The following DCDC1 variants were observed in gnomAD, a reference collection of about 807,000 sequenced individuals.
The protein encoded by DCDC1 is doublecortin domain-containing protein 1.
A neutral mutation model predicts 178.3 loss-of-function variants in DCDC1; 200 were observed. That is an observed-to-expected ratio of 1.12 (90% CI 1.00 to 1.26). DCDC1 has a LOEUF of 1.26. Among genes scored for constraint, DCDC1 ranks in the 50% most tolerant of loss-of-function variants. The pLI is 0.00. For missense variants in DCDC1, 1,983 were observed against 1,749.2 expected, an observed-to-expected ratio of 1.13 and a Z score of -2.38; for synonymous variants, 690 against 604.8, an observed-to-expected ratio of 1.14 and a Z score of -2.07.
chr11:31,261,269 C>A (rs1303492630), intron 8 of DCDC1, among the ~76,000 whole-genome samples: 4 of 152,124 alleles, frequency 2.6e-5, no homozygotes, highest in African/African-American at 9.7e-5. Context: ...TACATTATCT[C>A]CTAAGTTAAT....
chr11:31,006,981 T>G (rs976733089), intron 20 of DCDC1, among the ~76,000 whole-genome samples: 2 of 152,226 alleles, frequency 1.3e-5, no homozygotes, highest in Non-Finnish European at 1.5e-5. Flanking sequence ...GCCATTTTAT[T>G]GTTAAATATT....
intron 21 of DCDC1, among the ~76,000 whole-genome samples, chr11:30,949,442 T>C (rs1378439067): frequency 6.6e-6 from 1 of 152,180 alleles, no homozygotes; most frequent in African/African-American, 2.4e-5. Flanking sequence ...TGGAAGACAG[T>C]GTGGTGATTC....
intron 1 of DCDC1, among the ~76,000 whole-genome samples, chr11:31,337,594 G>T (rs1950335600): frequency 2.6e-5 from 4 of 152,172 alleles, no homozygotes; most frequent in Admixed American, 2.6e-4. Flanking sequence ...GAGCCCAGGA[G>T]ATTGAGGCTG....
intron 7 of DCDC1, among the ~76,000 whole-genome samples, chr11:31,275,595 C>A (rs376443991): frequency 1.3e-5 from 2 of 152,196 alleles, no homozygotes; most frequent in East Asian, 3.9e-4. Context: ...ACCTCTGCCT[C>A]CCGGGTTCAA....
chr11:31,232,493 T>C (rs1037307604), intron 9 of DCDC1, among the ~76,000 whole-genome samples: 1 of 152,180 alleles, frequency 6.6e-6, no homozygotes, highest in Non-Finnish European at 1.5e-5. Context: ...GTTTTCATTA[T>C]CTTCCAAAGG....
At chr11:31,125,756 C>T (rs1461689857) in intron 11 of DCDC1, among the ~76,000 whole-genome samples, 1 of 152,034 alleles carries the variant, frequency 6.6e-6, no homozygotes, top group African/African-American at 2.4e-5. Flanking sequence ...AGGGGATCAA[C>T]ACACACTGGG....
At chr11:31,168,964 CA>C (rs2136209251) in intron 9 of DCDC1, among the ~76,000 whole-genome samples, 1 of 152,080 alleles carries the variant, frequency 6.6e-6, no homozygotes, top group East Asian at 1.9e-4. Flanking sequence ...TTTATAACAG[CA>C]AAGAGATGGA....
intron 20 of DCDC1, among the ~76,000 whole-genome samples, chr11:31,048,391 T>C (rs1955002260): frequency 6.6e-6 from 1 of 152,136 alleles, no homozygotes; most frequent in Admixed American, 6.5e-5. Flanking sequence ...ATTCACCAAA[T>C]TAAAATCTAG....
chr11:31,200,934 T>C lies in DCDC1; in HGVS notation c.1221+40516A>G, dbSNP rs1971222442. Among the ~76,000 whole-genome samples, 7 of 151,850 alleles carry C rather than the reference T, an allele frequency of 4.6e-5. 1 individual carries two copies. Among genetic ancestry groups the C allele is most frequent in the Admixed American group, 4.6e-4 (7 of 15,246 alleles). ...TGATCCCTAGCACATTGAGTATTAC[T>C]TGCTCTTAGGAGAAAAAAAAAAACA... On this transcript the variant is annotated intron_variant, in intron 9 of 38. Coordinates refer to ENST00000684477, the MANE Select transcript of DCDC1 (RefSeq NM_001387274.1).
chr11:31,123,020 C>T (rs1961036726), intron 11 of DCDC1, among the ~76,000 whole-genome samples: 1 of 151,876 alleles, frequency 6.6e-6, no homozygotes, highest in Admixed American at 6.6e-5. Context: ...TAAAAGCAGC[C>T]ATAGACAATA....
chr11:31,192,991 C>T (rs758368015), intron 9 of DCDC1, among the ~76,000 whole-genome samples: 19 of 152,028 alleles, frequency 1.2e-4, no homozygotes, highest in Non-Finnish European at 2.4e-4. Context: ...CTCCTGCTCT[C>T]GGACATCACA....
intron 9 of DCDC1, among the ~76,000 whole-genome samples, chr11:31,208,040 T>C (rs977577678): frequency 1.3e-5 from 2 of 152,206 alleles, no homozygotes; most frequent in Admixed American, 1.3e-4. Flanking sequence ...CCACTGGACA[T>C]TGCAGAGTCT....
At chr11:31,223,756 T>C (rs772759503) in intron 9 of DCDC1, among the ~76,000 whole-genome samples, 22 of 152,160 alleles carry the variant, frequency 1.4e-4, no homozygotes, top group Admixed American at 4.6e-4. Context: ...GTGACATGTA[T>C]AGTATATCAT....
At chr11:31,017,369 G>T (rs1289059615) in intron 20 of DCDC1, among the ~76,000 whole-genome samples, 1 of 151,818 alleles carries the variant, frequency 6.6e-6, no homozygotes, top group Non-Finnish European at 1.5e-5. Flanking sequence ...AGTAAATATG[G>T]TTTCTCTTTC....
In DCDC1 at chr11:30,916,939, T is replaced by C. The variant is rs150899043; in HGVS notation, c.3383A>G (p.Glu1128Gly). 783 of 1,610,928 alleles carry C rather than the reference T, an allele frequency of 4.9e-4. 5 individuals carry two copies. The African/African-American group carries it at 9.4e-3, about 19-fold the overall frequency. Reference protein sequence around the residue: ...AWQETSHDFDEDDSLPKKTEK... With the variant: ...AWQETSHDFDGDDSLPKKTEK... ...CGTTTTCTTTGGAAGACTGTCATCCTCATCAAAGTCATGTGAAGTTTCCTG... is the reference window on the plus strand; with the variant it reads ...CGTTTTCTTTGGAAGACTGTCATCCCCATCAAAGTCATGTGAAGTTTCCTG... Residue 1128 changes from glutamate to glycine, a missense_variant, in exon 26 of 39, where the codon GAG becomes GGG. Glu to Gly is a moderately conservative substitution (Grantham distance 98, BLOSUM62 -2). Coordinates refer to ENST00000684477, the MANE Select transcript of DCDC1 (RefSeq NM_001387274.1).
chr11:31,297,301 C>T (rs1947760637), intron 6 of DCDC1, among the ~76,000 whole-genome samples: 1 of 152,034 alleles, frequency 6.6e-6, no homozygotes, highest in Non-Finnish European at 1.5e-5. Context: ...GCAATTCAAA[C>T]AAGAACCCTA....
chr11:31,094,796 T>TC (rs1958046109), intron 15 of DCDC1, among the ~76,000 whole-genome samples: 1 of 151,742 alleles, frequency 6.6e-6, no homozygotes, highest in Admixed American at 6.6e-5. Flanking sequence ...AAAGCCTTCT[T>TC]TTTTTTTATA....
At chr11:30,902,542 C>CACACA (rs1214803856) in intron 32 of DCDC1, among the ~76,000 whole-genome samples, 1 of 151,652 alleles carries the variant, frequency 6.6e-6, no homozygotes, top group Non-Finnish European at 1.5e-5. Flanking sequence ...ATATCCATAT[C>CACACA]CATGAAGTAA....
chr11:31,367,706 G>T (rs1281925886), intron 1 of DCDC1, among the ~76,000 whole-genome samples: 4 of 152,186 alleles, frequency 2.6e-5, no homozygotes, highest in African/African-American at 9.6e-5. Context: ...TAGGAGAAAA[G>T]AATGTAAAGT....
Sources: allele counts gnomAD v4.1 joint callset (sites outside exome capture counted in the v4.1 genomes callset), GRCh38; gene constraint gnomAD v4.1.1; transcripts MANE v1.5; gene names NCBI Gene and HGNC (gene_info 2026-07-23, HGNC 2026-07-21).